FNIP2: variants seen among roughly 807,000 people sequenced by gnomAD.
FNIP2 encodes the protein folliculin-interacting protein 2.
In FNIP2, 32 loss-of-function variants were observed where a neutral mutation model predicts 108.7. That is an observed-to-expected ratio of 0.29 (90% confidence interval 0.22 to 0.40). The LOEUF (loss-of-function observed/expected upper bound fraction) is 0.40. Ranked by LOEUF, FNIP2 falls within the 10% of genes least tolerant of loss-of-function variation. The probability of loss-of-function intolerance (pLI) is 1.00; values close to 1 mark genes in which losing one functional copy is unlikely to be tolerated. For synonymous variants in FNIP2, 480 were observed against 496.7 expected, an observed-to-expected ratio of 0.97 and a Z score of 0.45; for missense variants, 1,202 against 1,381.6, an observed-to-expected ratio of 0.87 and a Z score of 2.06.
rs1054467883 is a variant in FNIP2 at position 158,841,461 on chromosome 4, T to C, written c.727+5985T>C. On this transcript the variant is annotated intron_variant, in intron 7 of 16. Coordinates refer to ENST00000264433, the MANE Select transcript of FNIP2 (RefSeq NM_020840.3). ...TGTGGGACCATTGAATAATGAAGGA[T>C]GGCATCCCGTTTGTACGTGAACCCT... 2.6e-5 allele frequency among the ~76,000 whole-genome samples: 4 copies of C among 152,178 alleles called. No homozygotes were observed. In the East Asian group the frequency reaches 7.7e-4, roughly 29 times the overall value.
chr4:158,827,962 T>C (rs1297158691), intron 2 of FNIP2, among the ~76,000 whole-genome samples: 1 of 152,120 alleles, frequency 6.6e-6, no homozygotes, highest in Non-Finnish European at 1.5e-5. Flanking sequence ...TTCATGTTTT[T>C]TTCCAAGCAA....
chr4:158,872,169 G>T, intron 14 of FNIP2: 1 of 985,246 alleles, frequency 1.0e-6, no homozygotes. Context: ...TACCAGCTGG[G>T]GACTTTGTTT....
chr4:158,838,549 A>G (rs571075053), intron 7 of FNIP2, among the ~76,000 whole-genome samples: 6 of 152,260 alleles, frequency 3.9e-5, no homozygotes, highest in South Asian at 2.1e-4. Flanking sequence ...CTTCCTGTCC[A>G]AATAGTTGAT....
At position 158,904,764 on chromosome 4, in the gene FNIP2, C is replaced by T; in HGVS notation, c.*220C>T. 1.9e-6 allele frequency: 1 copy of T among 515,840 alleles called. No individual in the cohort carries two copies. The highest frequency in any genetic ancestry group is 3.5e-6 in the Non-Finnish European group (1 of 286,674). The allele number at this position is 515,840 out of a possible 1,614,324, so 32.0% of individuals were successfully genotyped here. ...TTGTGATTGTCGTGAACACTTTAGG[C>T]CATTTGTTACCCATGAATCAACAAA... On this transcript the variant is annotated 3_prime_UTR_variant, in exon 17 of 17. Transcript: ENST00000264433.
At chr4:158,899,853 CT>C (rs1783046126) in intron 16 of FNIP2, among the ~76,000 whole-genome samples, 1 of 152,014 alleles carries the variant, frequency 6.6e-6, no homozygotes, top group Non-Finnish European at 1.5e-5. Context: ...TCGTTCAGTT[CT>C]GCTCTGATCT....
rs553226000 is a variant in FNIP2, at chr4:158,791,406, C to T, written c.107+22087C>T. On this transcript the variant is annotated intron_variant, in intron 1 of 16. Coordinates refer to ENST00000264433, the MANE Select transcript of FNIP2 (RefSeq NM_020840.3). Reference sequence around the variant, plus strand: ...TCAAGTGATTCTCCTGCCTCAGCCTCCTGAGTAGCTGGGATTACAGGCACC... The same window carrying T: ...TCAAGTGATTCTCCTGCCTCAGCCTTCTGAGTAGCTGGGATTACAGGCACC... Among the ~76,000 whole-genome samples, 583 of 151,778 alleles carry T rather than the reference C, an allele frequency of 3.8e-3. 4 individuals carry two copies. The highest frequency in any genetic ancestry group is 8.8e-3 in the Admixed American group (134 of 15,226).
At chr4:158,853,525 C>T (rs2126657385) in intron 8 of FNIP2, among the ~76,000 whole-genome samples, 1 of 152,314 alleles carries the variant, frequency 6.6e-6, no homozygotes, top group Non-Finnish European at 1.5e-5. Context: ...ATCCCTCCCC[C>T]ATCCCCCTAC....
chr4:158,862,651 C>T (rs1780359481), intron 12 of FNIP2, among the ~76,000 whole-genome samples: 1 of 152,064 alleles, frequency 6.6e-6, no homozygotes, highest in Non-Finnish European at 1.5e-5. Context: ...TCAAATGTTC[C>T]CAACACAAAG....
intron 2 of FNIP2, among the ~76,000 whole-genome samples, chr4:158,826,270 G>T (rs756207395): frequency 2.6e-5 from 4 of 152,200 alleles, no homozygotes; most frequent in Non-Finnish European, 5.9e-5. Context: ...AGTAATCATG[G>T]CAGGAGCTAA....
At chr4:158,885,662 T>A (rs1781989165) in intron 14 of FNIP2, among the ~76,000 whole-genome samples, 1 of 152,198 alleles carries the variant, frequency 6.6e-6, no homozygotes, top group Admixed American at 6.5e-5. Context: ...TTTCAACACA[T>A]TTTTCTCACA....
intron 1 of FNIP2, among the ~76,000 whole-genome samples, chr4:158,817,583 G>A (rs1777646543): frequency 6.6e-6 from 1 of 152,114 alleles, no homozygotes; most frequent in South Asian, 2.1e-4. Context: ...GTCTCACTCT[G>A]TCGCCCAGGC....
chr4:158,812,317 G>A (rs752816288), intron 1 of FNIP2, among the ~76,000 whole-genome samples: 3 of 152,120 alleles, frequency 2.0e-5, no homozygotes, highest in Non-Finnish European at 4.4e-5. Context: ...GTAGAGCAGT[G>A]TGTGAGGACT....
chr4:158,886,456 T>G (rs17037731), intron 14 of FNIP2, among the ~76,000 whole-genome samples: 8,626 of 152,186 alleles, frequency 0.057, 296 homozygotes, highest in African/African-American at 0.091. Context: ...CTGTTAGTGG[T>G]CTGGAGAGGG....
rs10001787 is a variant in FNIP2 at position 158,846,271 on chromosome 4, T to G, written c.728-5050T>G. ...AACATCTTTATATATTACAGAGAAT[T>G]TTCATGGATTAATATTAACAGTGCA... On this transcript the variant is annotated intron_variant, in intron 7 of 16. Coordinates refer to ENST00000264433, the MANE Select transcript of FNIP2 (RefSeq NM_020840.3). Among the ~76,000 whole-genome samples, 1,455 of 152,294 alleles carry G rather than the reference T, an allele frequency of 9.6e-3. 13 individuals are homozygous for G. The highest frequency in any genetic ancestry group is 0.034 in the African/African-American group (1,392 of 41,550).
chr4:158,866,522 G>A (rs977374297), intron 12 of FNIP2, among the ~76,000 whole-genome samples: 1 of 150,636 alleles, frequency 6.6e-6, no homozygotes, highest in Non-Finnish European at 1.5e-5. Context: ...CCAGCCCTCT[G>A]ATTATTCTTT....
intron 1 of FNIP2, among the ~76,000 whole-genome samples, chr4:158,793,413 A>G (rs1776485371): frequency 6.6e-6 from 1 of 152,206 alleles, no homozygotes; most frequent in Non-Finnish European, 1.5e-5. Flanking sequence ...TTTACCATGG[A>G]AAGATGTAGA....
chr4:158,899,111 G>A (rs1171733090), intron 16 of FNIP2, among the ~76,000 whole-genome samples: 1 of 152,260 alleles, frequency 6.6e-6, no homozygotes, highest in Admixed American at 6.5e-5. Context: ...ATAATCATCT[G>A]GTTTTTGTCA....
intron 1 of FNIP2, among the ~76,000 whole-genome samples, chr4:158,775,797 GT>G (rs1303162510): frequency 9.9e-5 from 15 of 152,120 alleles, no homozygotes. Flanking sequence ...GATAAATGTT[GT>G]ATAGCAGAGT....
Position 158,844,798 on chromosome 4 carries a change from A to C in FNIP2, c.728-6523A>C, listed in dbSNP as rs147416148. Among the ~76,000 whole-genome samples, 209 of 152,390 alleles carry C rather than the reference A, an allele frequency of 1.4e-3. 2 individuals carry two copies. Among genetic ancestry groups the C allele is most frequent in the African/African-American group, 4.8e-3 (200 of 41,590 alleles). On this transcript the variant is annotated intron_variant, in intron 7 of 16. Transcript: ENST00000264433. ...CTACAGTGTTTTCTAGTAAACTGTC[A>C]CAAGTAGCAAAAATTTTTTTTCAGA...
Sources: gnomAD v4.1 joint callset for allele counts (sites outside exome capture counted in the v4.1 genomes callset) on GRCh38, gnomAD v4.1.1 for gene constraint, MANE v1.5 for transcripts, NCBI Gene and HGNC (gene_info 2026-07-23, HGNC 2026-07-21) for gene names.